The following CDS1 variants were observed in gnomAD, a reference collection of about 807,000 sequenced individuals.
The protein encoded by CDS1 is CDP-diacylglycerol synthase 1.
A neutral mutation model predicts 62.1 loss-of-function variants in CDS1; 41 were observed. The observed-to-expected ratio is 0.66, with a 90% CI of 0.51 to 0.86. The LOEUF (loss-of-function observed/expected upper bound fraction) is 0.86, where lower values mean the gene tolerates loss of function less well. Among genes scored for constraint, CDS1 ranks in the 40% least tolerant of loss-of-function variants. CDS1 has a pLI of 0.00. For synonymous variants in CDS1, 185 were observed against 192.6 expected (o/e 0.96, Z 0.32); for missense variants, 470 against 550.1 (o/e 0.85, Z 1.46).
chr4:84,583,530 CG>C lies in CDS1; in HGVS notation c.117+13del. 1 of 1,464,860 alleles carries C rather than the reference CG, an allele frequency of 6.8e-7. No homozygotes were observed. The highest frequency in any genetic ancestry group is 9.2e-7 in the Non-Finnish European group (1 of 1,092,268). The allele number at this position is 1,464,860 out of a possible 1,614,324, so 90.7% of individuals were successfully genotyped here. A position where few individuals can be genotyped will look rare whatever the true frequency, so the allele number is the denominator to read the frequency against. On this transcript the variant is annotated intron_variant, in intron 1 of 12. Coordinates refer to ENST00000295887, the MANE Select transcript of CDS1 (RefSeq NM_001263.4). ...GCACCAGCGACAAAGTAAGTGGAGCCGAGAGAGGCGGACGCCGCGCCCTGGC... is the reference window on the plus strand; with the variant it reads ...GCACCAGCGACAAAGTAAGTGGAGCCAGAGAGGCGGACGCCGCGCCCTGGC...
rs752773315 is a variant in CDS1 at position 84,651,064 on chromosome 4, AT to A, written c.*2380del. The A allele has an allele frequency of 1.3e-5, 2 of 152,170 alleles. No individual in the cohort carries two copies. Among genetic ancestry groups the A allele is most frequent in the Non-Finnish European group, 2.9e-5 (2 of 68,034 alleles). The allele number at this position is 152,170 out of a possible 1,614,324, so 9.4% of individuals were successfully genotyped here. A position where few individuals can be genotyped will look rare whatever the true frequency, so the allele number is the denominator to read the frequency against. On this transcript the variant is annotated 3_prime_UTR_variant, in exon 13 of 13. Coordinates refer to ENST00000295887, the MANE Select transcript of CDS1 (RefSeq NM_001263.4). ...TGACTCTCTGACCTGTGGGATGCAC[AT>A]TCTTCCTCAGCGCTTTTTCCTTGTT...
chr4:84,601,222 T>C (rs933463622), intron 1 of CDS1, among the ~76,000 whole-genome samples: 1 of 140,780 alleles, frequency 7.1e-6, no homozygotes, highest in African/African-American at 2.6e-5. Context: ...GAAAGACAAA[T>C]GACAGACTTG....
At chr4:84,595,612 C>T (rs1314781586) in intron 1 of CDS1, among the ~76,000 whole-genome samples, 3 of 152,122 alleles carry the variant, frequency 2.0e-5, no homozygotes, top group Non-Finnish European at 4.4e-5. Context: ...GGGGGCCAAC[C>T]GTACTTGTTT....
intron 3 of CDS1, among the ~76,000 whole-genome samples, chr4:84,614,319 T>G (rs1723422279): frequency 6.6e-6 from 1 of 152,196 alleles, no homozygotes; most frequent in Non-Finnish European, 1.5e-5. Flanking sequence ...TTAGCTTTAC[T>G]AGATTGTCTG....
At chr4:84,618,135 A>C (rs532275382) in intron 4 of CDS1, among the ~76,000 whole-genome samples, 1 of 152,304 alleles carries the variant, frequency 6.6e-6, no homozygotes, top group African/African-American at 2.4e-5. Flanking sequence ...TATCTTTTAA[A>C]ACTTTTCATA....
chr4:84,623,079 G>T (rs1188434553), intron 5 of CDS1, among the ~76,000 whole-genome samples: 2 of 152,148 alleles, frequency 1.3e-5, no homozygotes, highest in African/African-American at 2.4e-5. Context: ...AAGTCAGATA[G>T]TATATCAATT....
chr4:84,589,168 G>A (rs920795937), intron 1 of CDS1, among the ~76,000 whole-genome samples: 3 of 152,176 alleles, frequency 2.0e-5, no homozygotes, highest in East Asian at 3.9e-4. Context: ...CGACTTTCCC[G>A]TAAGGTTTGT....
intron 8 of CDS1, among the ~76,000 whole-genome samples, chr4:84,637,097 A>C (rs886230347): frequency 6.6e-6 from 1 of 152,070 alleles, no homozygotes; most frequent in Admixed American, 6.5e-5. Context: ...CTTGGGGAGG[A>C]GCTCACAGAG....
intron 1 of CDS1, 114 bp downstream of exon 1, chr4:84,583,632 C>T (rs1426711653): frequency 3.3e-6 from 2 of 599,078 alleles, no homozygotes; most frequent in Admixed American, 3.7e-5. Flanking sequence ...TGCACGCTGC[C>T]GGTGCACCTT....
chr4:84,617,158 A>G (rs911485235), intron 3 of CDS1, among the ~76,000 whole-genome samples: 2 of 152,220 alleles, frequency 1.3e-5, no homozygotes, highest in African/African-American at 4.8e-5. Context: ...GCAAACTTTC[A>G]TATATGATTT....
chr4:84,597,144 A>G (rs1722775603), intron 1 of CDS1, among the ~76,000 whole-genome samples: 1 of 152,222 alleles, frequency 6.6e-6, no homozygotes. Context: ...TGATTGGATT[A>G]GTAAAGTGGT....
intron 5 of CDS1, among the ~76,000 whole-genome samples, chr4:84,624,281 A>C (rs1457760132): frequency 1.5e-5 from 2 of 135,800 alleles, no homozygotes; most frequent in Non-Finnish European, 3.1e-5. Flanking sequence ...CTCAAAAAAA[A>C]AAAAACAAAC....
At chr4:84,626,516 A>T (rs895294758) in intron 5 of CDS1, among the ~76,000 whole-genome samples, 2 of 152,082 alleles carry the variant, frequency 1.3e-5, no homozygotes, top group Non-Finnish European at 2.9e-5. Context: ...GAATTCCTGG[A>T]CTCAACTTAC....
chr4:84,600,293 A>G (rs1217714670), intron 1 of CDS1, among the ~76,000 whole-genome samples: 2 of 152,130 alleles, frequency 1.3e-5, no homozygotes. Flanking sequence ...ATTTGAAAAT[A>G]TGTTTCGTTC....
At chr4:84,625,645 G>T (rs1478530296) in intron 5 of CDS1, among the ~76,000 whole-genome samples, 1 of 152,072 alleles carries the variant, frequency 6.6e-6, no homozygotes, top group Non-Finnish European at 1.5e-5. Flanking sequence ...GTAGGTAGGA[G>T]CCACATCTTA....
intron 1 of CDS1, among the ~76,000 whole-genome samples, chr4:84,593,308 G>A (rs961034296): frequency 6.6e-6 from 1 of 152,100 alleles, no homozygotes; most frequent in Non-Finnish European, 1.5e-5. Flanking sequence ...AGCGATCTGG[G>A]TGACTTATCC....
Position 84,648,854 on chromosome 4 carries a change from T to C in CDS1, c.*168T>C. 1 of 620,746 alleles carries C rather than the reference T, an allele frequency of 1.6e-6. No individual in the cohort carries two copies. Among genetic ancestry groups the C allele is most frequent in the East Asian group, 3.0e-5 (1 of 33,644 alleles). 38.5% of individuals were successfully genotyped at this position (620,746 alleles called of 1,614,324 possible). On this transcript the variant is annotated 3_prime_UTR_variant, in exon 13 of 13. Transcript: ENST00000295887. ...ATATTTAACAAACACTTACTTGATC[T>C]ATGTTATGAAATAAGTAGCAAATTG...
chr4:84,628,084 C>A lies in CDS1; in HGVS notation c.581-3735C>A, dbSNP rs533366740. Among the ~76,000 whole-genome samples the A allele has an allele frequency of 9.2e-5, 14 of 152,248 alleles. No individual in the cohort carries two copies. The South Asian group carries it at 2.9e-3, about 32-fold the overall frequency. ...GGTGTCTGAATAAAGGCACACAATG[C>A]AGTGTGATTTTGAATTTATTTAATT... On this transcript the variant is annotated intron_variant, in intron 5 of 12. Transcript: ENST00000295887.
chr4:84,593,506 G>T (rs950590231), intron 1 of CDS1, among the ~76,000 whole-genome samples: 13 of 149,106 alleles, frequency 8.7e-5, no homozygotes, highest in Non-Finnish European at 1.3e-4. Flanking sequence ...GGTTTTTTTT[G>T]TTTTTTTTTT....
Sources: allele counts gnomAD v4.1 joint callset (sites outside exome capture counted in the v4.1 genomes callset), GRCh38; gene constraint gnomAD v4.1.1; transcripts MANE v1.5; gene names NCBI Gene and HGNC (gene_info 2026-07-23, HGNC 2026-07-21).